Variants in PTPRD observed in about 807,000 individuals in gnomAD.
PTPRD encodes receptor-type tyrosine-protein phosphatase delta.
Under a neutral mutation model 214.5 loss-of-function variants are expected in PTPRD, and 34 were observed. The observed-to-expected ratio is 0.16, with a 90% CI of 0.12 to 0.21. The LOEUF is 0.21. PTPRD is among the 10% of genes least tolerant of loss of function. The pLI is 1.00. For synonymous variants in PTPRD, 1,128 were observed against 845.7 expected (o/e 1.33, Z -5.79); for missense variants, 2,545 against 2,398.7 (o/e 1.06, Z -1.27).
intron 8 of PTPRD, among the ~76,000 whole-genome samples, chr9:9,517,034 A>G (rs2096855163): frequency 6.6e-6 from 1 of 151,586 alleles, no homozygotes; most frequent in African/African-American, 2.4e-5. Context: ...TTGCAGTGAA[A>G]TGAAACCATA....
intron 19 of PTPRD, 45 bp from the exon 20 acceptor site, chr9:8,521,591 A>C: frequency 6.3e-7 from 1 of 1,590,006 alleles, no homozygotes; most frequent in Middle Eastern, 1.7e-4. Flanking sequence ...CAAGGCAAGA[A>C]AAAGTGGATT....
intron 37 of PTPRD, among the ~76,000 whole-genome samples, chr9:8,383,916 T>C (rs1475459507): frequency 6.6e-6 from 1 of 152,198 alleles, no homozygotes; most frequent in Admixed American, 6.5e-5. Context: ...CAACTGCTAA[T>C]ACTAATCAGG....
At chr9:10,265,822 T>A (rs1476207206) in intron 3 of PTPRD, among the ~76,000 whole-genome samples, 1 of 152,228 alleles carries the variant, frequency 6.6e-6, no homozygotes, top group Non-Finnish European at 1.5e-5. Flanking sequence ...TAACTGATAC[T>A]TTGATCAAGA....
chr9:8,713,372 A>T, intron 12 of PTPRD: 1 of 1,064,386 alleles, frequency 9.4e-7, no homozygotes, highest in African/African-American at 1.5e-5. Flanking sequence ...CCCACTCCCA[A>T]ATGCCACACA....
chr9:8,516,670 T>C (rs991458396), intron 21 of PTPRD, among the ~76,000 whole-genome samples: 1 of 152,044 alleles, frequency 6.6e-6, no homozygotes, highest in Non-Finnish European at 1.5e-5. Flanking sequence ...TCCAATAATA[T>C]GATTATTATG....
chr9:9,363,111 C>T (rs1210109396), intron 9 of PTPRD, among the ~76,000 whole-genome samples: 1 of 129,860 alleles, frequency 7.7e-6, no homozygotes, highest in African/African-American at 2.8e-5. Context: ...CTATTTTGTG[C>T]TTTTTTTTTT....
intron 2 of PTPRD, among the ~76,000 whole-genome samples, chr9:10,519,339 C>G (rs2051350983): frequency 6.7e-6 from 1 of 150,056 alleles, no homozygotes; most frequent in African/African-American, 2.5e-5. Context: ...GTACCATGCC[C>G]TAGACATTTC....
At chr9:8,919,826 A>ACATGCATACATACGTGCATGTAT (rs1380554882) in intron 11 of PTPRD, among the ~76,000 whole-genome samples, 54 of 152,326 alleles carry the variant, frequency 3.5e-4, no homozygotes, top group African/African-American at 1.1e-3. Flanking sequence ...ATGCACCCAT[A>ACATGCATACATACGTGCATGTAT]CATGCATACA....
At position 9,510,716 on chromosome 9, in the gene PTPRD, G is replaced by A. The variant is rs1411977296; in HGVS notation, c.-237+64016C>T. Among the ~76,000 whole-genome samples, 4 of 151,112 alleles carry A rather than the reference G, an allele frequency of 2.6e-5. No individual in the cohort carries two copies. In the South Asian group the frequency reaches 6.2e-4, roughly 24 times the overall value. ...TTGGCTCTGCCCACCTATTTGGGCG[G>A]CCTCACCATGATCTCTTCAGGCATA... On this transcript the variant is annotated intron_variant, in intron 8 of 45. Coordinates refer to ENST00000381196, the MANE Select transcript of PTPRD (RefSeq NM_002839.4).
intron 11 of PTPRD, among the ~76,000 whole-genome samples, chr9:8,932,475 A>G (rs999433983): frequency 6.6e-6 from 1 of 151,974 alleles, no homozygotes; most frequent in Non-Finnish European, 1.5e-5. Flanking sequence ...GCCCACAGCT[A>G]CCCTTTCCCC....
At chr9:10,447,733 A>G (rs1330116846) in intron 2 of PTPRD, among the ~76,000 whole-genome samples, 6 of 151,998 alleles carry the variant, frequency 3.9e-5, no homozygotes, top group Non-Finnish European at 8.8e-5. Context: ...TCTACCACCC[A>G]GTTTCCTTCC....
chr9:9,408,720 T>G (rs2074385340), intron 8 of PTPRD, among the ~76,000 whole-genome samples: 1 of 151,906 alleles, frequency 6.6e-6, no homozygotes, highest in South Asian at 2.1e-4. Flanking sequence ...TTACTAGTTT[T>G]AGATTTTGGG....
At chr9:10,487,395 T>G (rs1050632866) in intron 2 of PTPRD, among the ~76,000 whole-genome samples, 1 of 152,216 alleles carries the variant, frequency 6.6e-6, no homozygotes, top group Non-Finnish European at 1.5e-5. Context: ...TCCTGTCTTC[T>G]CTTTAGTTAA....
At chr9:8,896,899 T>C (rs1023586679) in intron 11 of PTPRD, among the ~76,000 whole-genome samples, 4 of 152,174 alleles carry the variant, frequency 2.6e-5, no homozygotes, top group African/African-American at 9.6e-5. Flanking sequence ...AATAAAAGCA[T>C]ACCTACAGTT....
At chr9:8,511,592 AT>A (rs2097683871) in intron 21 of PTPRD, among the ~76,000 whole-genome samples, 1 of 152,194 alleles carries the variant, frequency 6.6e-6, no homozygotes, top group Non-Finnish European at 1.5e-5. Context: ...TCATGGGCAA[AT>A]AAAAACAACA....
chr9:9,336,373 T>G (rs1262722824), intron 9 of PTPRD, among the ~76,000 whole-genome samples: 1 of 152,116 alleles, frequency 6.6e-6, no homozygotes, highest in Non-Finnish European at 1.5e-5. Flanking sequence ...TATCAACTTT[T>G]GGGTTCCTAA....
chr9:9,916,819 T>C (rs1487263613), intron 5 of PTPRD, among the ~76,000 whole-genome samples: 1 of 152,048 alleles, frequency 6.6e-6, no homozygotes, highest in African/African-American at 2.4e-5. Context: ...AGGATTGACA[T>C]GTTAGGACAC....
chr9:10,419,917 A>T (rs2098530222), intron 2 of PTPRD, among the ~76,000 whole-genome samples: 1 of 151,590 alleles, frequency 6.6e-6, no homozygotes, highest in East Asian at 1.9e-4. Context: ...GCTTCTAGAA[A>T]CCCCCACACT....
intron 5 of PTPRD, among the ~76,000 whole-genome samples, chr9:9,811,317 G>T (rs1467705791): frequency 6.6e-6 from 1 of 152,196 alleles, no homozygotes; most frequent in Non-Finnish European, 1.5e-5. Flanking sequence ...AGAAATGCAA[G>T]AGAACTAGAA....
Sources: allele counts gnomAD v4.1 joint callset (sites outside exome capture counted in the v4.1 genomes callset), GRCh38; gene constraint gnomAD v4.1.1; transcripts MANE v1.5; gene names NCBI Gene and HGNC (gene_info 2026-07-23, HGNC 2026-07-21).